Variants in STAU2 observed in about 807,000 individuals in gnomAD.
STAU2 encodes the protein staufen double-stranded RNA binding protein 2.
A neutral mutation model predicts 65.9 loss-of-function variants in STAU2; 20 were observed. The ratio of observed to expected loss-of-function variants is 0.30; its 90% CI spans 0.21 to 0.44. The LOEUF (loss-of-function observed/expected upper bound fraction) is 0.44. STAU2 is among the 20% of genes least tolerant of loss of function. The pLI is 1.00. For synonymous variants in STAU2, 232 were observed against 233.9 expected (o/e 0.99, Z 0.07); for missense variants, 558 against 683.9 (o/e 0.82, Z 2.05).
At chr8:73,652,868 TC>T (rs1221832150) in intron 6 of STAU2, 1 of 152,120 alleles carries the variant, frequency 6.6e-6, no homozygotes, top group Admixed American at 6.5e-5. Flanking sequence ...TCTGGCCACT[TC>T]ATTCTACTCA....
At chr8:73,458,596 AATT>A (rs1340111731) in intron 13 of STAU2, 1 of 152,154 alleles carries the variant, frequency 6.6e-6, no homozygotes, top group Non-Finnish European at 1.5e-5. Flanking sequence ...TTTAAAAAAA[AATT>A]CACTAACTTG....
intron 13 of STAU2, among the ~76,000 whole-genome samples, chr8:73,510,436 A>G (rs1472228091): frequency 6.6e-6 from 1 of 152,254 alleles, no homozygotes; most frequent in African/African-American, 2.4e-5. Flanking sequence ...TTGTACAAAT[A>G]GTACAATTCA....
intron 4 of STAU2, among the ~76,000 whole-genome samples, chr8:73,705,827 G>A (rs995103158): frequency 7.9e-5 from 12 of 152,294 alleles, no homozygotes; most frequent in African/African-American, 2.9e-4. Context: ...GTCACTACCT[G>A]TCAGCATGAT....
In STAU2 at chr8:73,723,033, C is replaced by T. The variant is rs1821793256; in HGVS notation, c.-17-13871G>A. Among the ~76,000 whole-genome samples the T allele has an allele frequency of 3.3e-5, 5 of 152,154 alleles. No homozygotes were observed. The South Asian group carries it at 8.3e-4, about 25-fold the overall frequency. ...ACAGGTGGTCAGAGCGTATCCTAGC[C>T]GCTCAGGGCACAAGGCAGAAACCAG... On this transcript the variant is annotated intron_variant, in intron 3 of 14. Transcript: ENST00000524300.
intron 12 of STAU2, among the ~76,000 whole-genome samples, chr8:73,552,627 A>G (rs1244233379): frequency 6.6e-6 from 1 of 152,200 alleles, no homozygotes; most frequent in Non-Finnish European, 1.5e-5. Flanking sequence ...AATGGGGCAG[A>G]AAATCAGGAA....
chr8:73,697,688 G>A (rs1157639847), intron 4 of STAU2, among the ~76,000 whole-genome samples: 1 of 152,188 alleles, frequency 6.6e-6, no homozygotes, highest in Non-Finnish European at 1.5e-5. Context: ...TGGCAGCGGG[G>A]ACAAAGTTAA....
chr8:73,425,282 G>T (rs1392757347), intron 13 of STAU2, among the ~76,000 whole-genome samples: 1 of 152,118 alleles, frequency 6.6e-6, no homozygotes, highest in Non-Finnish European at 1.5e-5. Context: ...CAATATAACT[G>T]GTATCCTTAT....
chr8:73,621,269 G>T (rs749159991), intron 6 of STAU2, among the ~76,000 whole-genome samples: 1 of 152,060 alleles, frequency 6.6e-6, no homozygotes, highest in South Asian at 2.1e-4. Context: ...AAGATCTGAC[G>T]GTTTTATAAG....
intron 6 of STAU2, among the ~76,000 whole-genome samples, chr8:73,645,792 T>C (rs915593340): frequency 1.3e-5 from 2 of 152,066 alleles, no homozygotes; most frequent in Non-Finnish European, 2.9e-5. Context: ...ACATCTTACA[T>C]GGCCAAAGCA....
In STAU2 at chr8:73,421,438, C is replaced by A; in HGVS notation, c.1647G>T (p.Ala549=). ...EKQAKHLREK[A]DNNQAPPGSI... ...AGCCCGGGGGTGCCTGGTTATTGTCCGCTTTCTCTCTCAGATGCTTGGCTT... is the reference window on the plus strand; with the variant it reads ...AGCCCGGGGGTGCCTGGTTATTGTCAGCTTTCTCTCTCAGATGCTTGGCTT... The change falls in exon 15 of 15, where the codon GCG becomes GCT. Residue 549 remains alanine (A), a synonymous_variant. Transcript: ENST00000524300. 6.5e-7 allele frequency: 1 copy of A among 1,537,252 alleles called. No homozygotes were observed. The highest frequency in any genetic ancestry group is 8.7e-7 in the Non-Finnish European group (1 of 1,146,910).
chr8:73,582,532 C>T (rs1160681101), intron 12 of STAU2, among the ~76,000 whole-genome samples: 1 of 151,662 alleles, frequency 6.6e-6, no homozygotes, highest in Non-Finnish European at 1.5e-5. Flanking sequence ...CATGTGATCA[C>T]TACATGTATT....
intron 13 of STAU2, among the ~76,000 whole-genome samples, chr8:73,482,238 C>A (rs1820671136): frequency 6.6e-6 from 1 of 151,962 alleles, no homozygotes; most frequent in South Asian, 2.1e-4. Flanking sequence ...GGCAGATAAA[C>A]TCCCTGACTC....
intron 13 of STAU2, among the ~76,000 whole-genome samples, chr8:73,548,126 A>G (rs1807067005): frequency 6.6e-6 from 1 of 152,138 alleles, no homozygotes; most frequent in Non-Finnish European, 1.5e-5. Flanking sequence ...GCAGATACCA[A>G]GAGACAACTA....
chr8:73,638,986 T>G (rs570224220), intron 6 of STAU2, among the ~76,000 whole-genome samples: 1 of 151,986 alleles, frequency 6.6e-6, no homozygotes, highest in Non-Finnish European at 1.5e-5. Flanking sequence ...AAACTGCTTG[T>G]TGAACATACA....
intron 13 of STAU2, among the ~76,000 whole-genome samples, chr8:73,473,308 C>T (rs1301452230): frequency 9.9e-5 from 15 of 152,090 alleles, no homozygotes; most frequent in Non-Finnish European, 1.8e-4. Flanking sequence ...GGGGAAAATA[C>T]GCCTAAGACT....
intron 7 of STAU2, among the ~76,000 whole-genome samples, chr8:73,616,930 T>C (rs1812869559): frequency 6.6e-6 from 1 of 152,208 alleles, no homozygotes; most frequent in African/African-American, 2.4e-5. Flanking sequence ...TCAATGTCAT[T>C]TGTAAAACAA....
At chr8:73,629,464 G>A (rs1217443432) in intron 6 of STAU2, among the ~76,000 whole-genome samples, 1 of 152,090 alleles carries the variant, frequency 6.6e-6, no homozygotes, top group Non-Finnish European at 1.5e-5. Flanking sequence ...TAATCATTTT[G>A]TTTCATAGTC....
At chr8:73,736,099 T>C (rs1181109986) in intron 3 of STAU2, among the ~76,000 whole-genome samples, 4 of 152,198 alleles carry the variant, frequency 2.6e-5, no homozygotes, top group Non-Finnish European at 4.4e-5. Context: ...ATTAGTAATG[T>C]TTTTGATTAA....
chr8:73,722,947 TAAGA>T, intron 3 of STAU2, among the ~76,000 whole-genome samples: 1 of 152,092 alleles, frequency 6.6e-6, no homozygotes, highest in South Asian at 2.1e-4. Flanking sequence ...CACATACACT[TAAGA>T]AAGATTAATA....
Sources: gnomAD v4.1 joint callset for allele counts (sites outside exome capture counted in the v4.1 genomes callset) on GRCh38, gnomAD v4.1.1 for gene constraint, MANE v1.5 for transcripts, NCBI Gene and HGNC (gene_info 2026-07-23, HGNC 2026-07-21) for gene names.